Variants in GNAI2 observed in about 807,000 individuals in gnomAD.
The protein encoded by GNAI2 is G protein subunit alpha i2.
In GNAI2, 4 loss-of-function variants were observed where a neutral mutation model predicts 36.8. The observed-to-expected ratio is 0.11, with a 90% CI of 0.05 to 0.25. GNAI2 has a LOEUF of 0.25. Among genes scored for constraint, GNAI2 ranks in the 10% least tolerant of loss-of-function variants. The pLI, the probability that GNAI2 is intolerant of heterozygous loss-of-function variation, is 1.00. For synonymous variants in GNAI2, 194 were observed against 194.1 expected (o/e 1.00, Z 0.01); for missense variants, 230 against 481.3 (o/e 0.48, Z 4.89).
At position 50,241,483 on chromosome 3, in the gene GNAI2, A is replaced by G. The variant is rs1466867215; in HGVS notation, c.118+5030A>G. ...AGCCCCTGCCTCTCACGCCAGTGTCAGTGCAGCCAACATGAGGTCATACCT... is the reference window on the plus strand; with the variant it reads ...AGCCCCTGCCTCTCACGCCAGTGTCGGTGCAGCCAACATGAGGTCATACCT... On this transcript the variant is annotated intron_variant, in intron 1 of 8. Coordinates refer to ENST00000313601, the MANE Select transcript of GNAI2 (RefSeq NM_002070.4). The surrounding 1 kb of genome is among the most constrained non-coding windows in gnomAD (Gnocchi z 5.0). Among the ~76,000 whole-genome samples, 1 of 152,170 alleles carries G rather than the reference A, an allele frequency of 6.6e-6. No individual in the cohort carries two copies. The highest frequency in any genetic ancestry group is 1.5e-5 in the Non-Finnish European group (1 of 68,008).
chr3:50,249,423 G>A (rs1014984447), intron 1 of GNAI2, among the ~76,000 whole-genome samples: 2 of 152,186 alleles, frequency 1.3e-5, no homozygotes, highest in Non-Finnish European at 2.9e-5. Flanking sequence ...TCATTGGCAG[G>A]TGGAGGAGTG....
intron 1 of GNAI2, among the ~76,000 whole-genome samples, chr3:50,248,095 C>T (rs888372706): frequency 6.6e-6 from 1 of 152,140 alleles, no homozygotes; most frequent in Non-Finnish European, 1.5e-5. Context: ...ATTAGCCGGG[C>T]GTGGTGGCAC....
intron 7 of GNAI2, 128 bp from the exon 8 acceptor site, chr3:50,257,372 G>A: frequency 1.5e-6 from 1 of 665,912 alleles, no homozygotes; most frequent in Admixed American, 3.0e-5. Flanking sequence ...CACAAACATT[G>A]TCATATTATG....
Position 50,236,489 on chromosome 3 carries a change from C to T in GNAI2, c.118+36C>T, listed in dbSNP as rs782039546. 3 of 1,559,762 alleles carry T rather than the reference C, an allele frequency of 1.9e-6. No homozygotes were observed. The highest frequency in any genetic ancestry group is 8.6e-7 in the Non-Finnish European group (1 of 1,158,056). On this transcript the variant is annotated intron_variant, in intron 1 of 8. Transcript: ENST00000313601. The surrounding 1 kb of genome is among the most constrained non-coding windows in gnomAD (Gnocchi z 4.0). Reference sequence around the variant, plus strand: ...GTCCCGCACTGGGATCCTTGATTCCCAGCTCGAATCCCCAGACAAGGACTT... The same window carrying T: ...GTCCCGCACTGGGATCCTTGATTCCTAGCTCGAATCCCCAGACAAGGACTT...
At chr3:50,247,123 C>T (rs1257639364) in intron 1 of GNAI2, 15 of 706,576 alleles carry the variant, frequency 2.1e-5, no homozygotes, top group Non-Finnish European at 3.6e-5. Context: ...ATAGTGATAA[C>T]TTTTACCTGA....
intron 1 of GNAI2, among the ~76,000 whole-genome samples, chr3:50,240,811 C>T (rs900559593): frequency 1.3e-5 from 2 of 149,926 alleles, no homozygotes; most frequent in Non-Finnish European, 3.0e-5. Flanking sequence ...CCCAGCTATT[C>T]GGGAGGCTGA....
chr3:50,257,428 C>A (rs1700727955), intron 7 of GNAI2, 72 bp from the exon 8 acceptor site: 2 of 1,032,418 alleles, frequency 1.9e-6, no homozygotes, highest in Admixed American at 4.9e-5. Flanking sequence ...CACGCACAGA[C>A]CCTTGCTGCA....
intron 5 of GNAI2, 97 bp downstream of exon 5, chr3:50,256,417 GT>G (rs869204104): frequency 1.7e-6 from 2 of 1,165,918 alleles, no homozygotes; most frequent in Non-Finnish European, 2.6e-6. Context: ...CCCCACTGAG[GT>G]TTTACAAGGC....
In GNAI2 at chr3:50,256,231, C is replaced by T. The variant is rs1700700010; in HGVS notation, c.504C>T (p.Tyr168=). Residue 168 remains tyrosine, a synonymous_variant, in exon 5 of 9, where the codon TAC becomes TAT. Transcript: ENST00000313601. ...NDLERIAQSD[Y]IPTQQDVLRT... The stretch of plus-strand genomic sequence containing the variant: ...TGGAGCGTATTGCACAGAGTGACTA[C>T]ATCCCCACACAGCAAGATGTGCTAC... 6.8e-7 allele frequency: 1 copy of T among 1,474,858 alleles called. No homozygotes were observed. The highest frequency in any genetic ancestry group is 1.8e-5 in the Admixed American group (1 of 56,418). 91.4% of individuals were successfully genotyped at this position (1,474,858 alleles called of 1,614,324 possible). A position where few individuals can be genotyped will look rare whatever the true frequency, so the allele number is the denominator to read the frequency against.
intron 8 of GNAI2, 31 bp downstream of exon 8, chr3:50,257,745 G>T: frequency 7.5e-7 from 1 of 1,337,436 alleles, no homozygotes; most frequent in South Asian, 1.5e-5. Context: ...CAGGGTGCTG[G>T]GGAAGAACTA....
chr3:50,245,342 G>C (rs372850365), intron 1 of GNAI2, among the ~76,000 whole-genome samples: 1 of 152,230 alleles, frequency 6.6e-6, no homozygotes, highest in African/African-American at 2.4e-5. Flanking sequence ...TGGACACAAG[G>C]ACAGCTGCTG....
At chr3:50,227,895 G>A (rs1005520201), upstream of GNAI2, among the ~76,000 whole-genome samples, 5 of 152,288 alleles carry the variant, frequency 3.3e-5, no homozygotes, top group South Asian at 1.0e-3. This position sits in a 1 kb window ranked among gnomAD's most constrained non-coding sequence, Gnocchi z 5.9. Context: ...CGCTGGCCAA[G>A]ACCCAGGACA....
chr3:50,231,033 G>A (rs961835322), intron 1 of GNAI2: 5 of 836,844 alleles, frequency 6.0e-6, no homozygotes, highest in African/African-American at 3.7e-5. Flanking sequence ...TAATTTTCTC[G>A]CTAGCCCTTC....
chr3:50,240,263 AG>A (rs1245508220), intron 1 of GNAI2, among the ~76,000 whole-genome samples: 2 of 152,120 alleles, frequency 1.3e-5, no homozygotes, highest in Admixed American at 6.5e-5. Flanking sequence ...GGCTTCCTGG[AG>A]GAGGGGGTCT....
At chr3:50,243,545 G>A (rs1464516151) in intron 1 of GNAI2, among the ~76,000 whole-genome samples, 1 of 152,244 alleles carries the variant, frequency 6.6e-6, no homozygotes, top group African/African-American at 2.4e-5. Flanking sequence ...CACTCACTGG[G>A]TCTAGGGCTG....
chr3:50,229,617 C>T (rs1181165336), upstream of GNAI2: 1 of 152,390 alleles, frequency 6.6e-6, no homozygotes, highest in Non-Finnish European at 1.5e-5. Context: ...CGGCTGGACT[C>T]CTCTCTGGTT....
At chr3:50,249,396 G>A (rs782081067) in intron 1 of GNAI2, among the ~76,000 whole-genome samples, 13 of 152,180 alleles carry the variant, frequency 8.5e-5, no homozygotes, top group Admixed American at 6.5e-5. Flanking sequence ...GCTTTCCTGG[G>A]ACCTTTCCCC....
chr3:50,256,482 T>A, intron 5 of GNAI2, 162 bp downstream of exon 5: 1 of 741,264 alleles, frequency 1.3e-6, no homozygotes, highest in South Asian at 1.6e-5. Flanking sequence ...GCAGTCAGGA[T>A]CCACGCCACC....
rs1349224605 is a variant in GNAI2 at position 50,255,149 on chromosome 3, G to T, written c.465-1043G>T. Reference sequence around the variant, plus strand: ...GATCATTTCCCTCTGGCCTGGTTTGGCCTGGGTGCTGGTGGGAGCCAAGGG... The same window carrying T: ...GATCATTTCCCTCTGGCCTGGTTTGTCCTGGGTGCTGGTGGGAGCCAAGGG... On this transcript the variant is annotated intron_variant, in intron 4 of 8. Coordinates refer to ENST00000313601, the MANE Select transcript of GNAI2 (RefSeq NM_002070.4). The surrounding 1 kb of genome is among the most constrained non-coding windows in gnomAD (Gnocchi z 4.0). 6.6e-6 allele frequency among the ~76,000 whole-genome samples: 1 copy of T among 152,204 alleles called. No individual in the cohort carries two copies. The highest frequency in any genetic ancestry group is 1.5e-5 in the Non-Finnish European group (1 of 68,034).
Sources: gnomAD v4.1 joint callset for allele counts (sites outside exome capture counted in the v4.1 genomes callset) on GRCh38, gnomAD v4.1.1 for gene constraint, Gnocchi (gnomAD v3.1) non-coding constraint, MANE v1.5 for transcripts, NCBI Gene and HGNC (gene_info 2026-07-23, HGNC 2026-07-21) for gene names.